RPTOR: variants seen among roughly 807,000 people sequenced by gnomAD.
RPTOR encodes the protein regulatory associated protein of MTOR complex 1, also known as regulatory-associated protein of mTOR.
RPTOR carries 21 observed loss-of-function variants against 169.9 expected under a neutral mutation model. That is an observed-to-expected ratio of 0.12 (90% CI 0.09 to 0.18). RPTOR has a LOEUF of 0.18. RPTOR is among the 10% of genes least tolerant of loss of function. The probability of loss-of-function intolerance (pLI) is 1.00; values close to 1 mark genes in which losing one functional copy is unlikely to be tolerated. For missense variants in RPTOR, 1,133 were observed against 1,855.9 expected, an observed-to-expected ratio of 0.61 and a Z score of 7.16; for synonymous variants, 732 against 753.2, an observed-to-expected ratio of 0.97 and a Z score of 0.46.
intron 3 of RPTOR, among the ~76,000 whole-genome samples, chr17:80,665,450 T>G (rs1567846448): frequency 2.1e-3 from 51 of 24,506 alleles, no homozygotes; most frequent in African/African-American, 0.021. Context: ...TTCCTTTCCT[T>G]TCCTTTCCTT....
At chr17:80,739,533 C>G (rs2066464984) in intron 5 of RPTOR, among the ~76,000 whole-genome samples, 1 of 152,186 alleles carries the variant, frequency 6.6e-6, no homozygotes, top group South Asian at 2.1e-4. Context: ...ACACACTTTT[C>G]CAGCGTCCAT....
rs75867565 is a variant in RPTOR at position 80,743,496 on chromosome 17, C to T, written c.655-10514C>T. The T allele has an allele frequency of 7.2e-4, 698 of 973,628 alleles. 2 individuals carry two copies. In the African/African-American group the frequency reaches 0.01, roughly 14 times the overall value. 60.3% of individuals were successfully genotyped at this position (973,628 alleles called of 1,614,324 possible). On this transcript the variant is annotated intron_variant, in intron 5 of 33. Transcript: ENST00000306801. ...CCACTTGTGTGGGGAGCTCCAGCAG[C>T]GCGTTCGGAGTGCTGGGCATTGCCA...
intron 24 of RPTOR, among the ~76,000 whole-genome samples, chr17:80,929,890 C>T (rs923639571): frequency 6.6e-6 from 1 of 152,140 alleles, no homozygotes; most frequent in African/African-American, 2.4e-5. Flanking sequence ...TTTTGTTTTT[C>T]TCCTCTGAGA....
chr17:80,579,462 G>C (rs1248017514), intron 1 of RPTOR, among the ~76,000 whole-genome samples: 1 of 152,226 alleles, frequency 6.6e-6, no homozygotes, highest in Non-Finnish European at 1.5e-5. Flanking sequence ...AAAGTGCTGG[G>C]ATCATAGGCG....
intron 5 of RPTOR, among the ~76,000 whole-genome samples, chr17:80,739,615 T>C (rs2066465711): frequency 6.6e-6 from 1 of 152,156 alleles, no homozygotes; most frequent in Non-Finnish European, 1.5e-5. Flanking sequence ...CAGCACAGCG[T>C]GTGTTCTTTA....
At position 80,631,437 on chromosome 17, in the gene RPTOR, C is replaced by T. The variant is rs147054982; in HGVS notation, c.265+5644C>T. Reference sequence around the variant, plus strand: ...GATATGCAAGCGCACACTGGGGCCTCGAGGACACATTACCATCTTAGCTGG... The same window carrying T: ...GATATGCAAGCGCACACTGGGGCCTTGAGGACACATTACCATCTTAGCTGG... On this transcript the variant is annotated intron_variant, in intron 2 of 33. Transcript: ENST00000306801. Among the ~76,000 whole-genome samples the T allele has an allele frequency of 9.3e-3, 1,418 of 152,160 alleles. 13 individuals are homozygous for T. The highest frequency in any genetic ancestry group is 0.02 in the Middle Eastern group (6 of 294).
chr17:80,708,571 TGG>T lies in RPTOR; in HGVS notation c.507+573_507+574del. Reference sequence around the variant, plus strand: ...ACTGTCATCCCCATCCTCCAGGGTGTGGTGGGTGCTGACTGTTGTCCCCACCC... The same window carrying T: ...ACTGTCATCCCCATCCTCCAGGGTGTTGGGTGCTGACTGTTGTCCCCACCC... On this transcript the variant is annotated intron_variant, in intron 4 of 33. Coordinates refer to ENST00000306801, the MANE Select transcript of RPTOR (RefSeq NM_020761.3). This position sits in a 1 kb window ranked among gnomAD's most constrained non-coding sequence, Gnocchi z 4.2. 6.7e-6 allele frequency among the ~76,000 whole-genome samples: 1 copy of T among 148,354 alleles called. No homozygotes were observed. Among genetic ancestry groups the T allele is most frequent in the Non-Finnish European group, 1.5e-5 (1 of 66,996 alleles).
intron 10 of RPTOR, among the ~76,000 whole-genome samples, chr17:80,841,409 TCACA>T (rs1284054988): frequency 1.7e-5 from 2 of 114,342 alleles, no homozygotes; most frequent in Non-Finnish European, 3.5e-5. Flanking sequence ...GCACGGCAGC[TCACA>T]CTCACCACAC....
intron 7 of RPTOR, among the ~76,000 whole-genome samples, chr17:80,821,071 G>A (rs76230369): frequency 7.7e-4 from 117 of 152,292 alleles, no homozygotes; most frequent in African/African-American, 2.6e-3. Context: ...GAAATAAGAC[G>A]TTATTTTCTG....
chr17:80,939,640 C>A (rs1025145180), intron 24 of RPTOR, among the ~76,000 whole-genome samples: 2 of 152,188 alleles, frequency 1.3e-5, no homozygotes, highest in African/African-American at 4.8e-5. Flanking sequence ...AGGTCCCACA[C>A]TCTCTCGGGG....
chr17:80,865,416 A>C (rs1322710750), intron 13 of RPTOR, among the ~76,000 whole-genome samples: 1 of 152,212 alleles, frequency 6.6e-6, no homozygotes, highest in Admixed American at 6.5e-5. Flanking sequence ...TACTTTTGGC[A>C]TAAAGACACG....
At position 80,730,856 on chromosome 17, in the gene RPTOR, G is replaced by A. The variant is rs557972451; in HGVS notation, c.654+150G>A. 4 of 768,164 alleles carry A rather than the reference G, an allele frequency of 5.2e-6. No homozygotes were observed. In the East Asian group the frequency reaches 7.7e-5, roughly 15 times the overall value. The allele number at this position is 768,164 out of a possible 1,614,324, so 47.6% of individuals were successfully genotyped here. On this transcript the variant is annotated intron_variant, in intron 5 of 33. Transcript: ENST00000306801. This position sits in a 1 kb window ranked among gnomAD's most constrained non-coding sequence, Gnocchi z 4.2. ...AGGGCAGGATGGCATATTCAATGCT[G>A]TTGAGCTAGGGAGGCACTCAGCACA...
intron 7 of RPTOR, among the ~76,000 whole-genome samples, chr17:80,815,600 G>A (rs2067314415): frequency 6.6e-6 from 1 of 152,246 alleles, no homozygotes; most frequent in East Asian, 1.9e-4. Context: ...TGTGCTTAAC[G>A]AGCTGCCGGG....
At position 80,690,356 on chromosome 17, in the gene RPTOR, ATGTT is replaced by A. The variant is rs2065981022; in HGVS notation, c.349-17478_349-17475del. Among the ~76,000 whole-genome samples the A allele has an allele frequency of 3.8e-5, 5 of 130,678 alleles. No individual in the cohort carries two copies. The South Asian group carries it at 1.3e-3, about 33-fold the overall frequency. The allele number at this position is 130,678 out of a possible 152,430, so 85.7% of individuals were successfully genotyped here. ...ACACACACACATACACACACACACA[ATGTT>A]TGTTTGAATCAGGATGCAAGTGAGA... is the stretch of plus-strand genomic sequence containing the variant. On this transcript the variant is annotated intron_variant, in intron 3 of 33. Coordinates refer to ENST00000306801, the MANE Select transcript of RPTOR (RefSeq NM_020761.3).
chr17:80,667,318 G>C (rs2065788405), intron 3 of RPTOR, among the ~76,000 whole-genome samples: 2 of 152,146 alleles, frequency 1.3e-5, no homozygotes, highest in Admixed American at 6.5e-5. Flanking sequence ...GACCAGGGCT[G>C]GGCAAGGTGG....
At chr17:80,904,575 T>A (rs1037087557) in intron 20 of RPTOR, among the ~76,000 whole-genome samples, 1 of 152,172 alleles carries the variant, frequency 6.6e-6, no homozygotes, top group African/African-American at 2.4e-5. Context: ...AGTCTAGACA[T>A]GAAAATAGGT....
In RPTOR at chr17:80,861,508, GTCA is replaced by G. The variant is rs2067916386; in HGVS notation, c.1509+3610_1509+3612del. 6.6e-6 allele frequency among the ~76,000 whole-genome samples: 1 copy of G among 151,074 alleles called. No individual in the cohort carries two copies. Among genetic ancestry groups the G allele is most frequent in the Admixed American group, 6.6e-5 (1 of 15,146 alleles). ...GTAAACAAAGGGTGTTTGGCAGGAA[GTCA>G]TTTTGAAACGTGGTTTCTGTCCTAC... On this transcript the variant is annotated intron_variant, in intron 13 of 33. Transcript: ENST00000306801. This position sits in a 1 kb window ranked among gnomAD's most constrained non-coding sequence, Gnocchi z 4.5.
At chr17:80,801,982 A>C (rs1350516058) in intron 7 of RPTOR, 2 of 152,226 alleles carry the variant, frequency 1.3e-5, no homozygotes, top group African/African-American at 2.4e-5. Context: ...CCACGGGCAG[A>C]GGGAAGACGG....
At chr17:80,919,815 G>A (rs541252798) in intron 21 of RPTOR, among the ~76,000 whole-genome samples, 16 of 152,366 alleles carry the variant, frequency 1.1e-4, no homozygotes, top group South Asian at 1.0e-3. Flanking sequence ...TTGTAGCCGG[G>A]ACCTTGACCC....
Sources: gnomAD v4.1 joint callset for allele counts (sites outside exome capture counted in the v4.1 genomes callset) on GRCh38, gnomAD v4.1.1 for gene constraint, Gnocchi (gnomAD v3.1) non-coding constraint, MANE v1.5 for transcripts, NCBI Gene and HGNC (gene_info 2026-07-23, HGNC 2026-07-21) for gene names.